TMEM135: variants seen among roughly 807,000 people sequenced by gnomAD.
TMEM135 encodes peroxisomal membrane protein 52.
In TMEM135, 30 loss-of-function variants were observed where a neutral mutation model predicts 60.3. The observed-to-expected ratio is 0.50, with a 90% CI of 0.37 to 0.68. The LOEUF (loss-of-function observed/expected upper bound fraction) is 0.68. TMEM135 is among the 30% of genes least tolerant of loss of function. TMEM135 has a pLI of 0.00. For synonymous variants in TMEM135, 190 were observed against 186.7 expected (o/e 1.02, Z -0.14); for missense variants, 468 against 548.8 (o/e 0.85, Z 1.47).
chr11:87,314,535 C>T lies in TMEM135; in HGVS notation c.1065C>T (p.Ser355=), dbSNP rs1942693041. Residue 355 remains serine (S), a synonymous_variant, in exon 12 of 15, where the codon TCC becomes TCT. Coordinates refer to ENST00000305494, the MANE Select transcript of TMEM135 (RefSeq NM_022918.4). ...KSTTISMYLA[S]KLVETMYFKG... ...CAACAATTTCCATGTATTTAGCGTC[C>T]AAATTGGTAGAGGTAAGCGAAATTT... The T allele has an allele frequency of 6.2e-7, 1 of 1,610,388 alleles. No individual in the cohort carries two copies. The highest frequency in any genetic ancestry group is 1.3e-5 in the African/African-American group (1 of 74,752).
intron 5 of TMEM135, among the ~76,000 whole-genome samples, chr11:87,176,117 C>A (rs1307529972): frequency 6.6e-6 from 1 of 152,050 alleles, no homozygotes; most frequent in Non-Finnish European, 1.5e-5. Flanking sequence ...AATTTGATCA[C>A]CAGTGTTGGA....
intron 5 of TMEM135, among the ~76,000 whole-genome samples, chr11:87,223,671 A>G (rs10898620): frequency 0.36 from 52,197 of 145,684 alleles, 11,000 homozygotes; most frequent in Non-Finnish European, 0.5. Flanking sequence ...ATGCACGCAC[A>G]CACACACACA....
chr11:87,038,613 T>C (rs1450713236), intron 1 of TMEM135, among the ~76,000 whole-genome samples: 1 of 76,980 alleles, frequency 1.3e-5, no homozygotes, highest in Non-Finnish European at 2.4e-5. Flanking sequence ...ATTTTGCTTT[T>C]TTTTTTTTTT....
At position 87,302,353 on chromosome 11, in the gene TMEM135, T is replaced by C; in HGVS notation, c.609T>C (p.Tyr203=). The C allele has an allele frequency of 1.2e-6, 2 of 1,613,832 alleles. No homozygotes were observed. Among genetic ancestry groups the C allele is most frequent in the Non-Finnish European group, 1.7e-6 (2 of 1,179,912 alleles). The change falls in exon 8 of 15, where the codon TAT becomes TAC. Residue 203 remains tyrosine, a synonymous_variant. Coordinates refer to ENST00000305494, the MANE Select transcript of TMEM135 (RefSeq NM_022918.4). The part of the protein sequence containing the change: ...PTHSFSPEAA[Y]AKVEQKREQH... ...ATTCTTTTTCACCAGAGGCAGCATA[T>C]GCAAAAGTGGAACAAAAGAGAGAGC...
At chr11:87,111,497 A>G (rs1857745528) in intron 4 of TMEM135, among the ~76,000 whole-genome samples, 1 of 151,918 alleles carries the variant, frequency 6.6e-6, no homozygotes, top group African/African-American at 2.4e-5. Flanking sequence ...AATACAAAAA[A>G]AAAATTAGCC....
At chr11:87,059,208 G>A (rs1035441435) in intron 1 of TMEM135, among the ~76,000 whole-genome samples, 8 of 151,632 alleles carry the variant, frequency 5.3e-5, no homozygotes, top group African/African-American at 1.5e-4. Flanking sequence ...AAGTGCTGAC[G>A]TCAGCCACCG....
intron 5 of TMEM135, among the ~76,000 whole-genome samples, chr11:87,227,510 CAT>C (rs1940789686): frequency 6.6e-6 from 1 of 150,768 alleles, no homozygotes; most frequent in Admixed American, 6.6e-5. Context: ...GGAATAGAAA[CAT>C]AAAAAAAAAT....
intron 5 of TMEM135, among the ~76,000 whole-genome samples, chr11:87,163,345 T>C (rs1271625418): frequency 1.4e-5 from 2 of 145,228 alleles, no homozygotes; most frequent in African/African-American, 5.1e-5. Context: ...ATTTCATCCA[T>C]GTCCCTACAA....
intron 5 of TMEM135, among the ~76,000 whole-genome samples, chr11:87,214,693 T>C (rs1031208760): frequency 6.6e-6 from 1 of 152,162 alleles, no homozygotes; most frequent in African/African-American, 2.4e-5. Context: ...TTTCCCCCTA[T>C]ATTACATCAC....
At chr11:87,053,255 TTG>T (rs1488689065) in intron 1 of TMEM135, among the ~76,000 whole-genome samples, 1 of 149,466 alleles carries the variant, frequency 6.7e-6, no homozygotes, top group East Asian at 2.0e-4. Flanking sequence ...AGTTATGACT[TTG>T]AGAAAAAAAT....
intron 6 of TMEM135, among the ~76,000 whole-genome samples, chr11:87,289,741 C>A (rs1337584667): frequency 6.6e-6 from 1 of 152,114 alleles, no homozygotes; most frequent in African/African-American, 2.4e-5. Flanking sequence ...CAGGTGTGAG[C>A]CACCGCGTGC....
intron 1 of TMEM135, among the ~76,000 whole-genome samples, chr11:87,060,041 A>G (rs1949931502): frequency 6.6e-6 from 1 of 152,068 alleles, no homozygotes. Context: ...TTGAACCGGG[A>G]GGTGTAGGTT....
intron 4 of TMEM135, among the ~76,000 whole-genome samples, chr11:87,125,101 C>T (rs1189169079): frequency 6.6e-6 from 1 of 152,008 alleles, no homozygotes; most frequent in African/African-American, 2.4e-5. Context: ...TCAAAGTGTC[C>T]TTCCCTTTAA....
intron 3 of TMEM135, among the ~76,000 whole-genome samples, chr11:87,077,850 G>A (rs1856906476): frequency 6.6e-6 from 1 of 152,126 alleles, no homozygotes; most frequent in African/African-American, 2.4e-5. Context: ...CATACAATAT[G>A]TGTCATTGGT....
At position 87,162,146 on chromosome 11, in the gene TMEM135, T is replaced by C. The variant is rs931301251; in HGVS notation, c.462+4740T>C. Among the ~76,000 whole-genome samples the C allele has an allele frequency of 3.3e-5, 5 of 152,088 alleles. No individual in the cohort carries two copies. In the East Asian group the frequency reaches 9.6e-4, roughly 29 times the overall value. ...AATAATAAAGAAATAAATGACTAAT[T>C]AAAGTGGGGTTCAATTAATTCAGAA... On this transcript the variant is annotated intron_variant, in intron 5 of 14. Transcript: ENST00000305494.
intron 6 of TMEM135, among the ~76,000 whole-genome samples, chr11:87,265,038 A>G (rs1299143718): frequency 6.6e-6 from 1 of 152,006 alleles, no homozygotes; most frequent in Non-Finnish European, 1.5e-5. Context: ...AAACTTTGAC[A>G]TAAAGAAGAA....
intron 14 of TMEM135, among the ~76,000 whole-genome samples, chr11:87,320,174 C>A (rs972299871): frequency 2.1e-4 from 32 of 152,144 alleles, no homozygotes; most frequent in African/African-American, 6.3e-4. Context: ...GCATTTAATC[C>A]TTAAATCCTA....
chr11:87,070,026 A>C (rs906730205), intron 2 of TMEM135, among the ~76,000 whole-genome samples: 1 of 151,526 alleles, frequency 6.6e-6, no homozygotes, highest in African/African-American at 2.4e-5. Context: ...AAAAAAAATT[A>C]ACCAGGCATG....
intron 6 of TMEM135, among the ~76,000 whole-genome samples, chr11:87,246,439 CAG>C (rs1941273253): frequency 6.6e-6 from 1 of 152,074 alleles, no homozygotes; most frequent in South Asian, 2.1e-4. Context: ...TAATATCCTG[CAG>C]AGTGTTTTCC....
Sources: gnomAD v4.1 joint callset for allele counts (sites outside exome capture counted in the v4.1 genomes callset) on GRCh38, gnomAD v4.1.1 for gene constraint, MANE v1.5 for transcripts, NCBI Gene and HGNC (gene_info 2026-07-23, HGNC 2026-07-21) for gene names.